The following ANK2 variants were observed in gnomAD, a reference collection of about 807,000 sequenced individuals.
ANK2 encodes ankyrin 2, also known as ankyrin-2.
ANK2 carries 83 observed loss-of-function variants against 360.5 expected under a neutral mutation model. The ratio of observed to expected loss-of-function variants is 0.23; its 90% CI spans 0.19 to 0.28. ANK2 has a LOEUF of 0.28. Ranked by LOEUF, ANK2 falls within the 10% of genes least tolerant of loss-of-function variation. The probability of loss-of-function intolerance (pLI) is 1.00; values close to 1 mark genes in which losing one functional copy is unlikely to be tolerated. For synonymous variants in ANK2, 1,740 were observed against 1,759.5 expected (o/e 0.99, Z 0.28); for missense variants, 4,201 against 4,795.7 (o/e 0.88, Z 3.66).
At chr4:112,843,386 A>T (rs937274347) in intron 1 of ANK2, among the ~76,000 whole-genome samples, 1 of 152,166 alleles carries the variant, frequency 6.6e-6, no homozygotes, top group Non-Finnish European at 1.5e-5. Flanking sequence ...TTATCTGAGA[A>T]CTCTCAACAG....
chr4:112,979,921 G>A (rs542464281), intron 2 of ANK2: 1 of 152,290 alleles, frequency 6.6e-6, no homozygotes, highest in East Asian at 1.9e-4. Context: ...ATTCTGTCTG[G>A]AACTGGTAGC....
the ANK2 span, among the ~76,000 whole-genome samples, chr4:112,810,184 T>G: frequency 9.8e-6 from 1 of 102,158 alleles, no homozygotes; most frequent in Non-Finnish European, 2.0e-5. Flanking sequence ...TTTTTTTTTG[T>G]AGCAATGGGG....
intron 2 of ANK2, among the ~76,000 whole-genome samples, chr4:112,972,015 G>T (rs908384305): frequency 6.6e-6 from 1 of 152,172 alleles, no homozygotes; most frequent in African/African-American, 2.4e-5. Flanking sequence ...CTCAAGGATT[G>T]GTGGGCCCCT....
chr4:112,975,052 C>T (rs1055305446), intron 2 of ANK2, among the ~76,000 whole-genome samples: 7 of 152,116 alleles, frequency 4.6e-5, no homozygotes, highest in Admixed American at 2.0e-4. Context: ...GAACTGTTAC[C>T]CACTCTCAGC....
At chr4:112,819,843 C>T (rs2056486538) in intron 1 of ANK2, among the ~76,000 whole-genome samples, 1 of 152,136 alleles carries the variant, frequency 6.6e-6, no homozygotes, top group Non-Finnish European at 1.5e-5. Context: ...ATTTTGTTAG[C>T]CATTTCTTGT....
chr4:113,081,020 T>C (rs910794028), intron 1 of ANK2, among the ~76,000 whole-genome samples: 1 of 152,178 alleles, frequency 6.6e-6, no homozygotes, highest in Non-Finnish European at 1.5e-5. Context: ...ATAAAATAAA[T>C]GAAAAATTAT....
intron 1 of ANK2, among the ~76,000 whole-genome samples, chr4:113,125,763 CTA>C: frequency 6.6e-6 from 1 of 152,220 alleles, no homozygotes; most frequent in Admixed American, 6.5e-5. Context: ...TGAGCTGACA[CTA>C]TGTCGTAGAC....
At chr4:113,281,258 G>C (rs1386994504) in intron 17 of ANK2, among the ~76,000 whole-genome samples, 1 of 152,098 alleles carries the variant, frequency 6.6e-6, no homozygotes, top group Non-Finnish European at 1.5e-5. Flanking sequence ...TACCTCTCAA[G>C]TTTGATTACA....
At chr4:113,130,403 TATATA>T (rs1237827227) in intron 1 of ANK2, among the ~76,000 whole-genome samples, 1 of 152,214 alleles carries the variant, frequency 6.6e-6, no homozygotes, top group Non-Finnish European at 1.5e-5. Context: ...AATATTTAGA[TATATA>T]ATATCTGTTC....
intron 37 of ANK2, among the ~76,000 whole-genome samples, chr4:113,351,726 A>G (rs2154009393): frequency 6.6e-6 from 1 of 152,234 alleles, no homozygotes; most frequent in African/African-American, 2.4e-5. Context: ...TTAAAAAAAA[A>G]AGAAAAAAAA....
intron 1 of ANK2, among the ~76,000 whole-genome samples, chr4:113,058,009 C>T (rs553307713): frequency 6.6e-6 from 1 of 152,204 alleles, no homozygotes; most frequent in South Asian, 2.1e-4. Flanking sequence ...GATCCTTGAA[C>T]AAGAAATTTG....
the ANK2 span, chr4:112,788,728 G>A: frequency 6.3e-7 from 1 of 1,591,746 alleles, no homozygotes; most frequent in Non-Finnish European, 8.5e-7. Context: ...AAGCGGGTGA[G>A]GTCTCTTTTG....
chr4:112,895,843 T>C (rs748376960), intron 1 of ANK2, among the ~76,000 whole-genome samples: 12 of 152,228 alleles, frequency 7.9e-5, no homozygotes, highest in Non-Finnish European at 1.8e-4. Flanking sequence ...AAAATAGTGT[T>C]CTTGGTTGAC....
At chr4:112,830,320 A>G (rs2149657927) in intron 1 of ANK2, among the ~76,000 whole-genome samples, 1 of 152,364 alleles carries the variant, frequency 6.6e-6, no homozygotes, top group South Asian at 2.1e-4. Context: ...TACAGTCATT[A>G]AAATGAATGA....
chr4:113,238,768 T>A (rs1387232636), intron 7 of ANK2, among the ~76,000 whole-genome samples: 1 of 152,190 alleles, frequency 6.6e-6, no homozygotes, highest in Admixed American at 6.5e-5. Context: ...TGTAGAAATG[T>A]GAACTCTGCC....
At chr4:113,175,911 G>C (rs995372179) in intron 2 of ANK2, among the ~76,000 whole-genome samples, 1 of 152,168 alleles carries the variant, frequency 6.6e-6, no homozygotes, top group African/African-American at 2.4e-5. Flanking sequence ...GTTGGGAAAG[G>C]CATTCTGCTG....
At chr4:113,038,080 C>A (rs2061995752) in intron 2 of ANK2, among the ~76,000 whole-genome samples, 1 of 151,778 alleles carries the variant, frequency 6.6e-6, no homozygotes, top group South Asian at 2.1e-4. Flanking sequence ...CATTTTTAAG[C>A]TTGTTTTTTA....
Position 113,332,087 on chromosome 4 carries a change from A to G in ANK2, c.3224+17A>G, listed in dbSNP as rs752901305. 6.3e-7 allele frequency: 1 copy of G among 1,592,484 alleles called. No homozygotes were observed. The highest frequency in any genetic ancestry group is 1.3e-5 in the African/African-American group (1 of 74,524). On this transcript the variant is annotated intron_variant, in intron 28 of 45. Transcript: ENST00000357077. ...ATTCCTTGGGTAGGAGTGACTTAAAACAAATTGATGGCTGCTGGCCCCCCA... is the reference window on the plus strand; with the variant it reads ...ATTCCTTGGGTAGGAGTGACTTAAAGCAAATTGATGGCTGCTGGCCCCCCA...
chr4:112,768,648 T>C, the ANK2 span, among the ~76,000 whole-genome samples: 1 of 152,176 alleles, frequency 6.6e-6, no homozygotes, highest in Admixed American at 6.5e-5. Flanking sequence ...CAAAGTTCCT[T>C]GTTTTGCTCT....
Sources: allele counts gnomAD v4.1 joint callset (sites outside exome capture counted in the v4.1 genomes callset), GRCh38; gene constraint gnomAD v4.1.1; transcripts MANE v1.5; gene names NCBI Gene and HGNC (gene_info 2026-07-23, HGNC 2026-07-21).